Variants in ZHX1 observed in about 807,000 individuals in gnomAD.
The protein encoded by ZHX1 is zinc fingers and homeoboxes protein 1.
In ZHX1, 20 loss-of-function variants were observed where a neutral mutation model predicts 61.8. The observed-to-expected ratio is 0.32, with a 90% CI of 0.23 to 0.47. The LOEUF is 0.47. Ranked by LOEUF, ZHX1 falls within the 20% of genes least tolerant of loss-of-function variation. The pLI, the probability that ZHX1 is intolerant of heterozygous loss-of-function variation, is 1.00. For missense variants in ZHX1, 800 were observed against 1,034.8 expected, an observed-to-expected ratio of 0.77 and a Z score of 3.11; for synonymous variants, 318 against 352.6, an observed-to-expected ratio of 0.90 and a Z score of 1.10.
At chr8:123,272,389 G>A (rs934520731) in intron 1 of ZHX1, among the ~76,000 whole-genome samples, 1 of 152,162 alleles carries the variant, frequency 6.6e-6, no homozygotes, top group Non-Finnish European at 1.5e-5. Context: ...TTTGGGAAAG[G>A]AGAGAAAAGC....
chr8:123,261,886 A>G (rs1826282524), intron 2 of ZHX1, among the ~76,000 whole-genome samples: 1 of 152,232 alleles, frequency 6.6e-6, no homozygotes, highest in Admixed American at 6.5e-5. Flanking sequence ...AAAAATACAG[A>G]ATAAGAATTT....
chr8:123,263,994 A>G (rs1370104590), intron 2 of ZHX1, among the ~76,000 whole-genome samples: 1 of 152,196 alleles, frequency 6.6e-6, no homozygotes, highest in Non-Finnish European at 1.5e-5. Context: ...CTTAGTCATG[A>G]ATATTAAAAC....
At chr8:123,260,144 C>T (rs961283047) in intron 2 of ZHX1, among the ~76,000 whole-genome samples, 1 of 150,222 alleles carries the variant, frequency 6.7e-6, no homozygotes, top group Admixed American at 6.7e-5. Context: ...GGTGACAGAG[C>T]GAGACTCTGT....
At position 123,267,358 on chromosome 8, in the gene ZHX1, A is replaced by ACAGGTCCAAAGCAGCAGT. The variant is rs1360087857; in HGVS notation, c.-329_-312dup. Reference sequence around the variant, plus strand: ...TGTTTAGCTCAGGCCATCATTACCAACAGGTCCAAAGCAGCAGTCTGTCTT... The same window carrying ACAGGTCCAAAGCAGCAGT: ...TGTTTAGCTCAGGCCATCATTACCAACAGGTCCAAAGCAGCAGTCAGGTCCAAAGCAGCAGTCTGTCTT... On this transcript the variant is annotated 5_prime_UTR_variant, in exon 2 of 4. The change creates a premature stop within an existing upstream ORF in the 5' untranslated region. Coordinates refer to ENST00000395571, the MANE Select transcript of ZHX1 (RefSeq NM_007222.5). 3.0e-6 allele frequency: 4 copies of ACAGGTCCAAAGCAGCAGT among 1,352,624 alleles called. No individual in the cohort carries two copies. In the Admixed American group the frequency reaches 8.3e-5, roughly 28 times the overall value. 83.8% of individuals were successfully genotyped at this position (1,352,624 alleles called of 1,614,324 possible).
chr8:123,250,761 G>T (rs1475288097), intron 3 of ZHX1, among the ~76,000 whole-genome samples: 1 of 152,226 alleles, frequency 6.6e-6, no homozygotes, highest in Non-Finnish European at 1.5e-5. Context: ...ACTATTTAGA[G>T]AAGGCTATGG....
Position 123,253,414 on chromosome 8 carries a change from G to C in ZHX1, c.2533C>G (p.Gln845Glu), listed in dbSNP as rs1563808256. Residue 845 changes from glutamine (Q) to glutamate (E), a missense_variant, in exon 3 of 4, where the codon CAG becomes GAG. Gln to Glu is a conservative substitution (Grantham distance 29, BLOSUM62 2). Transcript: ENST00000395571. ...TCTGTTTCTTCTTCATCCTCTTCCT[G>C]GTCATCAATAACTTCATCTTCCTCC... ...NEEEDEVIDD[Q>E]EEDEEETDDS... 1 of 1,613,902 alleles carries C rather than the reference G, an allele frequency of 6.2e-7. No homozygotes were observed. The highest frequency in any genetic ancestry group is 1.7e-4 in the Middle Eastern group (1 of 6,060).
chr8:123,274,943 A>G (rs1190981460), upstream of ZHX1, among the ~76,000 whole-genome samples: 1 of 152,084 alleles, frequency 6.6e-6, no homozygotes, highest in African/African-American at 2.4e-5. Context: ...CCGGGAGCCC[A>G]GCGCCCTGAC....
chr8:123,267,765 G>A (rs940471140), intron 1 of ZHX1, among the ~76,000 whole-genome samples: 8 of 152,184 alleles, frequency 5.3e-5, no homozygotes, highest in African/African-American at 1.9e-4. Flanking sequence ...ACTTCGGGAG[G>A]CCAAGGCCGG....
Position 123,254,183 on chromosome 8 carries a change from G to C in ZHX1, c.1764C>G (p.Leu588=). ...CTTCATCTGTAAGTACAGAGCTGTT[G>C]AGAAAACTTGCCTGAAGGACACGAA... ...EQLRVLQASF[L]NSSVLTDEEL... is the part of the protein sequence containing the mutation. The change falls in exon 3 of 4, where the codon CTC becomes CTG. Residue 588 remains leucine, a synonymous_variant. Coordinates refer to ENST00000395571, the MANE Select transcript of ZHX1 (RefSeq NM_007222.5). This position sits in a 1 kb window ranked among gnomAD's most constrained non-coding sequence, Gnocchi z 4.1. 1 of 1,614,100 alleles carries C rather than the reference G, an allele frequency of 6.2e-7. No individual in the cohort carries two copies. The highest frequency in any genetic ancestry group is 8.5e-7 in the Non-Finnish European group (1 of 1,180,016).
Position 123,255,957 on chromosome 8 carries a change from T to A in ZHX1, c.-11A>T, listed in dbSNP as rs781219321. On this transcript the variant is annotated 5_prime_UTR_variant, in exon 3 of 4. Transcript: ENST00000395571. Reference sequence around the variant, plus strand: ...TCGCCTGCTTGCCATTCTGATGTTATGAGGAAAAGCTCAGTGGTGATTAAA... The same window carrying A: ...TCGCCTGCTTGCCATTCTGATGTTAAGAGGAAAAGCTCAGTGGTGATTAAA... 2 of 1,595,652 alleles carry A rather than the reference T, an allele frequency of 1.3e-6. No individual in the cohort carries two copies.
At chr8:123,253,274 T>C (rs1464229829) in intron 3 of ZHX1, 48 bp downstream of exon 3, 4 of 1,424,828 alleles carry the variant, frequency 2.8e-6, no homozygotes. Flanking sequence ...GTTCAAAATG[T>C]ATGTGGTTGA....
rs1379020489 is a variant in ZHX1 at position 123,267,252 on chromosome 8, C to T, written c.-226+21G>A. The T allele has an allele frequency of 3.9e-6, 6 of 1,528,662 alleles. No individual in the cohort carries two copies. The South Asian group carries it at 4.8e-5, about 12-fold the overall frequency. The allele number at this position is 1,528,662 out of a possible 1,614,324, so 94.7% of individuals were successfully genotyped here. The stretch of plus-strand genomic sequence containing the variant: ...CATTCAGTATCTGAGTTTTACCATA[C>T]CAAAACAATGAAACACATACTTGCC... On this transcript the variant is annotated intron_variant, in intron 2 of 3. Coordinates refer to ENST00000395571, the MANE Select transcript of ZHX1 (RefSeq NM_007222.5).
chr8:123,271,041 C>T (rs1826636217), intron 1 of ZHX1, among the ~76,000 whole-genome samples: 1 of 152,084 alleles, frequency 6.6e-6, no homozygotes, highest in East Asian at 1.9e-4. Context: ...AAATGCAGAT[C>T]TCCAAAATGT....
At position 123,256,088 on chromosome 8, in the gene ZHX1, A is replaced by C; in HGVS notation, c.-142T>G. 1.4e-5 allele frequency: 9 copies of C among 661,280 alleles called. No individual in the cohort carries two copies. Among genetic ancestry groups the C allele is most frequent in the Non-Finnish European group, 2.2e-5 (9 of 411,250 alleles). 41.0% of individuals were successfully genotyped at this position (661,280 alleles called of 1,614,324 possible). The stretch of plus-strand genomic sequence containing the variant: ...AACAAGTCTCATTAGCAGCTTTCTC[A>C]TGGTGCAATCAAGTAAAGAGCTTAT... On this transcript the variant is annotated 5_prime_UTR_variant, in exon 3 of 4. An upstream start codon of the reference 5' UTR is lost. Coordinates refer to ENST00000395571, the MANE Select transcript of ZHX1 (RefSeq NM_007222.5).
chr8:123,254,564 G>A lies in ZHX1; in HGVS notation c.1383C>T (p.Asn461=), dbSNP rs754545229. ...QSVKHETALV[N]PDSFGIRAKK... ...TTGCCCGAATGCCAAATGAATCAGG[G>A]TTTACCAATGCAGTTTCATGTTTGA... The change falls in exon 3 of 4, where the codon AAC becomes AAT. Residue 461 remains asparagine (N), a synonymous_variant. Transcript: ENST00000395571. The surrounding 1 kb of genome is among the most constrained non-coding windows in gnomAD (Gnocchi z 4.1). 1 of 1,614,164 alleles carries A rather than the reference G, an allele frequency of 6.2e-7. No homozygotes were observed. Among genetic ancestry groups the A allele is most frequent in the Admixed American group, 1.7e-5 (1 of 60,016 alleles).
chr8:123,255,227 G>A lies in ZHX1; in HGVS notation c.720C>T (p.Asn240=). The change falls in exon 3 of 4, where the codon AAC becomes AAT. Residue 240 remains asparagine (N), a synonymous_variant. Coordinates refer to ENST00000395571, the MANE Select transcript of ZHX1 (RefSeq NM_007222.5). Reference sequence around the variant, plus strand: ...TGCTGGCAGTACTTGGATGTATTCTGTTTACAATGGAAGTACTTGTATTAG... The same window carrying A: ...TGCTGGCAGTACTTGGATGTATTCTATTTACAATGGAAGTACTTGTATTAG... ...SESNTSTSIV[N]RIHPSTASTV... is the part of the protein sequence containing the mutation. 1 of 1,614,174 alleles carries A rather than the reference G, an allele frequency of 6.2e-7. No homozygotes were observed. The highest frequency in any genetic ancestry group is 8.5e-7 in the Non-Finnish European group (1 of 1,180,010).
upstream of ZHX1, chr8:123,275,526 G>A (rs1455684997): frequency 1.3e-5 from 2 of 151,172 alleles, no homozygotes; most frequent in African/African-American, 5.0e-5. Flanking sequence ...TGCTTCAAGT[G>A]GAAGTCTGAT....
At chr8:123,269,806 C>G (rs943627491) in intron 1 of ZHX1, among the ~76,000 whole-genome samples, 2 of 152,140 alleles carry the variant, frequency 1.3e-5, no homozygotes, top group Non-Finnish European at 2.9e-5. Flanking sequence ...GCAAAGAAAT[C>G]TTTCTTTAAA....
At chr8:123,250,669 T>C (rs1825892257) in intron 3 of ZHX1, among the ~76,000 whole-genome samples, 1 of 152,252 alleles carries the variant, frequency 6.6e-6, no homozygotes, top group Non-Finnish European at 1.5e-5. Flanking sequence ...GATATATATG[T>C]ACCTCACTTC....
Sources: allele counts gnomAD v4.1 joint callset (sites outside exome capture counted in the v4.1 genomes callset), GRCh38; gene constraint gnomAD v4.1.1; non-coding constraint Gnocchi (gnomAD v3.1); transcripts MANE v1.5; gene names NCBI Gene and HGNC (gene_info 2026-07-23, HGNC 2026-07-21).